The following XRCC5 variants were observed in gnomAD, a reference collection of about 807,000 sequenced individuals.
XRCC5 encodes the protein X-ray repair cross complementing 5, also known as DNA repair protein Ku80.
In XRCC5, 12 loss-of-function variants were observed where a neutral mutation model predicts 95.7. The observed-to-expected ratio is 0.13, with a 90% CI of 0.08 to 0.20. The LOEUF is 0.20. Among genes scored for constraint, XRCC5 ranks in the 10% least tolerant of loss-of-function variants. The pLI, the probability that XRCC5 is intolerant of heterozygous loss-of-function variation, is 1.00. For synonymous variants in XRCC5, 281 were observed against 290.3 expected, an observed-to-expected ratio of 0.97 and a Z score of 0.33; for missense variants, 595 against 873.9, an observed-to-expected ratio of 0.68 and a Z score of 4.02.
chr2:216,117,915 A>G (rs1696731050), intron 4 of XRCC5, 121 bp downstream of exon 4: 1 of 1,057,692 alleles, frequency 9.5e-7, no homozygotes, highest in African/African-American at 1.6e-5. Flanking sequence ...TGACAAGAGA[A>G]ACATTTTATA....
chr2:216,142,674 G>A (rs574786719), intron 13 of XRCC5, among the ~76,000 whole-genome samples: 1 of 152,256 alleles, frequency 6.6e-6, no homozygotes, highest in South Asian at 2.1e-4. Context: ...CTGCAGGTTG[G>A]GGGTAACAGG....
intron 11 of XRCC5, 57 bp downstream of exon 11, chr2:216,137,282 T>G: frequency 6.4e-7 from 1 of 1,553,278 alleles, no homozygotes; most frequent in Non-Finnish European, 8.7e-7. Flanking sequence ...TTCTAAGCAG[T>G]GTTTCTCAGC....
intron 16 of XRCC5, chr2:216,175,986 C>T (rs918417894): frequency 5.2e-5 from 14 of 270,906 alleles, no homozygotes; most frequent in Non-Finnish European, 6.4e-5. Flanking sequence ...GCAATGACAA[C>T]GGCCAGAGTC....
At chr2:216,125,854 A>C in intron 6 of XRCC5, 63 bp from the exon 7 acceptor site, 2 of 1,310,236 alleles carry the variant, frequency 1.5e-6, no homozygotes, top group Admixed American at 3.5e-5. Context: ...AATCAAATGC[A>C]TCATCCAGCA....
intron 1 of XRCC5, 28 bp from the exon 2 acceptor site, chr2:216,112,988 C>A: frequency 6.4e-7 from 1 of 1,571,892 alleles, no homozygotes; most frequent in South Asian, 1.1e-5. Flanking sequence ...CTTATTTTCT[C>A]AAACACTCTT....
intron 16 of XRCC5, among the ~76,000 whole-genome samples, chr2:216,163,567 G>GAGCCACGGTGGCGTGAGCCACGGTGGCA (rs1553575111): frequency 1.3e-5 from 2 of 151,622 alleles, no homozygotes; most frequent in Non-Finnish European, 2.9e-5. Context: ...TGGGATTACT[G>GAGCCACGGTGGCGTGAGCCACGGTGGCA]TGAGCCACGG....
chr2:216,194,621 G>A (rs529285362), intron 18 of XRCC5, among the ~76,000 whole-genome samples: 7 of 152,152 alleles, frequency 4.6e-5, no homozygotes, highest in Non-Finnish European at 1.0e-4. Context: ...TTGTTAATTG[G>A]TTGCCTTTAT....
chr2:216,174,899 A>G lies in XRCC5; in HGVS notation c.1834+12851A>G, dbSNP rs1042264346. 3 of 332,504 alleles carry G rather than the reference A, an allele frequency of 9.0e-6. No individual in the cohort carries two copies. The Admixed American group carries it at 1.0e-4, about 11-fold the overall frequency. The allele number at this position is 332,504 out of a possible 1,614,324, so 20.6% of individuals were successfully genotyped here. A position where few individuals can be genotyped will look rare whatever the true frequency, so the allele number is the denominator to read the frequency against. ...GTAGCCCCTCTCTGCTGTTTTTAGA[A>G]CCTTCTGCTACCATATCCGTCACGT... On this transcript the variant is annotated intron_variant, in intron 16 of 20. Transcript: ENST00000392132.
At chr2:216,200,280 G>A (rs1287764711) in intron 19 of XRCC5, among the ~76,000 whole-genome samples, 1 of 152,134 alleles carries the variant, frequency 6.6e-6, no homozygotes, top group Non-Finnish European at 1.5e-5. Context: ...AGAGTGCACA[G>A]GAATTCTCCA....
intron 10 of XRCC5, among the ~76,000 whole-genome samples, chr2:216,134,198 A>T (rs976865563): frequency 9.2e-5 from 14 of 152,200 alleles, no homozygotes; most frequent in Non-Finnish European, 1.5e-4. Context: ...TAGCTCAAAT[A>T]TTCTGATTCT....
At chr2:216,193,996 TCCTC>T (rs1251036088) in intron 18 of XRCC5, among the ~76,000 whole-genome samples, 6 of 152,180 alleles carry the variant, frequency 3.9e-5, no homozygotes, top group Non-Finnish European at 7.3e-5. Flanking sequence ...CATGTTTTCT[TCCTC>T]CCTAGTCCTC....
At chr2:216,140,409 G>C (rs898948236) in intron 12 of XRCC5, among the ~76,000 whole-genome samples, 1 of 152,234 alleles carries the variant, frequency 6.6e-6, no homozygotes, top group Non-Finnish European at 1.5e-5. Flanking sequence ...GTTACACACA[G>C]TAGTTTAGGC....
rs879324862 is a variant in XRCC5, at chr2:216,135,116, TTTTG to T, written c.1114-1968_1114-1965del. Reference sequence around the variant, plus strand: ...GTTTTTTTGTTTGTTTGTTTGTTTGTTTTGTTTTTACAACAGCATGGCTGGGAGG... The same window carrying T: ...GTTTTTTTGTTTGTTTGTTTGTTTGTTTTTTACAACAGCATGGCTGGGAGG... On this transcript the variant is annotated intron_variant, in intron 10 of 20. Coordinates refer to ENST00000392132, the MANE Select transcript of XRCC5 (RefSeq NM_021141.4). Among the ~76,000 whole-genome samples, 1,189 of 148,450 alleles carry T rather than the reference TTTTG, an allele frequency of 8.0e-3. 45 individuals are homozygous for T. The highest frequency in any genetic ancestry group is 0.068 in the Admixed American group (1,008 of 14,886).
intron 18 of XRCC5, among the ~76,000 whole-genome samples, chr2:216,193,705 G>A (rs896417011): frequency 1.9e-4 from 29 of 152,106 alleles, no homozygotes; most frequent in African/African-American, 5.8e-4. Context: ...TGCCTATAGC[G>A]TATTATTTGC....
chr2:216,157,975 A>G (rs1231732249), intron 14 of XRCC5, among the ~76,000 whole-genome samples: 1 of 152,198 alleles, frequency 6.6e-6, no homozygotes, highest in Non-Finnish European at 1.5e-5. Context: ...AATGCTGTTA[A>G]ATGATTTGGC....
chr2:216,146,376 C>A (rs989198734), intron 13 of XRCC5, among the ~76,000 whole-genome samples: 1 of 152,134 alleles, frequency 6.6e-6, no homozygotes, highest in Non-Finnish European at 1.5e-5. Flanking sequence ...TTTCAGCTTA[C>A]ATTTTCTTCA....
rs375608601 is a variant in XRCC5, at chr2:216,205,283, A to G, written c.*81A>G. 8 of 1,579,982 alleles carry G rather than the reference A, an allele frequency of 5.1e-6. No individual in the cohort carries two copies. Among genetic ancestry groups the G allele is most frequent in the Non-Finnish European group, 7.0e-6 (8 of 1,149,380 alleles). On this transcript the variant is annotated 3_prime_UTR_variant, in exon 21 of 21. Coordinates refer to ENST00000392132, the MANE Select transcript of XRCC5 (RefSeq NM_021141.4). ...CTAACAAAACAAGTTGGATGCGGCCATTCAAGGGGAGCCAAAATCTCAAGA... is the reference window on the plus strand; with the variant it reads ...CTAACAAAACAAGTTGGATGCGGCCGTTCAAGGGGAGCCAAAATCTCAAGA...
At chr2:216,162,546 C>T (rs924865770) in intron 16 of XRCC5, among the ~76,000 whole-genome samples, 2 of 151,950 alleles carry the variant, frequency 1.3e-5, no homozygotes, top group African/African-American at 2.4e-5. Context: ...GGATTACAGG[C>T]GTGCACCACC....
At chr2:216,145,787 C>T (rs2106017658) in intron 13 of XRCC5, among the ~76,000 whole-genome samples, 1 of 152,290 alleles carries the variant, frequency 6.6e-6, no homozygotes, top group Non-Finnish European at 1.5e-5. Flanking sequence ...GAATGTTTTA[C>T]AGTAGGAAGG....
Sources: allele counts gnomAD v4.1 joint callset (sites outside exome capture counted in the v4.1 genomes callset), GRCh38; gene constraint gnomAD v4.1.1; transcripts MANE v1.5; gene names NCBI Gene and HGNC (gene_info 2026-07-23, HGNC 2026-07-21).